Variants in HRH1 observed in about 807,000 individuals in gnomAD.
HRH1 encodes the protein histamine receptor H1, also known as histamine H1 receptor.
Under a neutral mutation model 10.3 loss-of-function variants are expected in HRH1, and 6 were observed. The ratio of observed to expected loss-of-function variants is 0.58; its 90% confidence interval spans 0.32 to 1.15. The LOEUF is 1.15. HRH1 is among the 50% of genes most tolerant of loss of function. The pLI is 0.05. For synonymous variants in HRH1, 242 were observed against 236.7 expected (o/e 1.02, Z -0.21); for missense variants, 514 against 615.3 (o/e 0.84, Z 1.74).
chr3:11,239,690 G>A (rs1939283676), intron 1 of HRH1, among the ~76,000 whole-genome samples: 1 of 151,970 alleles, frequency 6.6e-6, no homozygotes, highest in South Asian at 2.1e-4. Context: ...TCATCCTTCT[G>A]CTGGTAGATC....
chr3:11,184,362 C>T (rs1255013149), intron 1 of HRH1, among the ~76,000 whole-genome samples: 2 of 152,098 alleles, frequency 1.3e-5, no homozygotes, highest in Non-Finnish European at 2.9e-5. Flanking sequence ...AATCGCACCA[C>T]TCAGGAGTAG....
chr3:11,229,755 A>G (rs531811871), intron 1 of HRH1, among the ~76,000 whole-genome samples: 47 of 152,298 alleles, frequency 3.1e-4, no homozygotes, highest in African/African-American at 8.2e-4. Flanking sequence ...GTTTATGCCT[A>G]TGGAAAGTTC....
At chr3:11,217,439 G>GA (rs1938547755) in intron 1 of HRH1, among the ~76,000 whole-genome samples, 1 of 152,168 alleles carries the variant, frequency 6.6e-6, no homozygotes, top group African/African-American at 2.4e-5. Context: ...TGAGGCAGGA[G>GA]AATCACTTGA....
rs1232660340 is a variant in HRH1 at position 11,261,791 on chromosome 3, C to G, written c.*1290C>G. The G allele has an allele frequency of 6.4e-6, 1 of 156,194 alleles. No individual in the cohort carries two copies. Among genetic ancestry groups the G allele is most frequent in the Non-Finnish European group, 1.5e-5 (1 of 68,076 alleles). The allele number at this position is 156,194 out of a possible 1,614,324, so 9.7% of individuals were successfully genotyped here. A position where few individuals can be genotyped will look rare whatever the true frequency, so the allele number is the denominator to read the frequency against. The stretch of plus-strand genomic sequence containing the variant: ...GGTGGAGGTTGCCGTGAGCCAAGAT[C>G]ACGCCACTGCACTCCAGCCTGGGCA... On this transcript the variant is annotated 3_prime_UTR_variant, in exon 2 of 2. Coordinates refer to ENST00000431010, the MANE Select transcript of HRH1 (RefSeq NM_001098212.2).
chr3:11,138,381 G>A (rs1936226784), intron 1 of HRH1, among the ~76,000 whole-genome samples: 1 of 151,990 alleles, frequency 6.6e-6, no homozygotes, highest in African/African-American at 2.4e-5. Flanking sequence ...GCCAAAAAAT[G>A]GGTAAAGGAC....
chr3:11,210,795 AAG>A (rs1003642934), intron 1 of HRH1, among the ~76,000 whole-genome samples: 1 of 114,274 alleles, frequency 8.8e-6, no homozygotes, highest in African/African-American at 3.1e-5. Flanking sequence ...CCTGTCTCAA[AAG>A]AAAAAAAAAA....
chr3:11,214,072 G>A (rs569271130), intron 1 of HRH1, among the ~76,000 whole-genome samples: 45 of 152,176 alleles, frequency 3.0e-4, no homozygotes, highest in Non-Finnish European at 5.1e-4. Context: ...GGAACAGCGC[G>A]AACAAAGAGG....
chr3:11,175,887 A>G (rs566087079), intron 1 of HRH1, among the ~76,000 whole-genome samples: 76 of 152,294 alleles, frequency 5.0e-4, no homozygotes, highest in Admixed American at 2.0e-3. Context: ...GGCGGGGCAC[A>G]TGGGCTCACG....
chr3:11,259,982 G>A lies in HRH1; in HGVS notation c.945G>A (p.Glu315=), dbSNP rs1387932246. The change falls in exon 2 of 2, where the codon GAG becomes GAA. Residue 315 remains glutamate (E), a synonymous_variant. Transcript: ENST00000431010. This position sits in a 1 kb window ranked among gnomAD's most constrained non-coding sequence, Gnocchi z 4.6. ...TTGTGCACATGCAGGCTGCGGCAGA[G>A]GGGAGTAGCAGGGACTATGTAGCCG... ...LDIVHMQAAA[E]GSSRDYVAVN... The A allele has an allele frequency of 2.5e-6, 4 of 1,614,078 alleles. No individual in the cohort carries two copies. The African/African-American group carries it at 5.3e-5, about 22-fold the overall frequency.
intron 1 of HRH1, among the ~76,000 whole-genome samples, chr3:11,255,184 G>T (rs145222395): frequency 6.6e-6 from 1 of 152,320 alleles, no homozygotes; most frequent in Non-Finnish European, 1.5e-5. Context: ...ACAGGAGGCT[G>T]CAGTGAGCTG....
intron 1 of HRH1, among the ~76,000 whole-genome samples, chr3:11,179,224 A>T (rs1243328277): frequency 6.6e-6 from 1 of 151,254 alleles, no homozygotes. Flanking sequence ...GGAGGCAGAG[A>T]TTGCAGTGAG....
At chr3:11,221,414 C>G (rs1938706684) in intron 1 of HRH1, among the ~76,000 whole-genome samples, 1 of 151,708 alleles carries the variant, frequency 6.6e-6, no homozygotes. Context: ...AATTAGCCGG[C>G]CATGGCAGCA....
At chr3:11,158,795 TCTTA>T (rs1172267837) in intron 1 of HRH1, among the ~76,000 whole-genome samples, 1 of 152,224 alleles carries the variant, frequency 6.6e-6, no homozygotes, top group Non-Finnish European at 1.5e-5. Context: ...TGTTAAACTC[TCTTA>T]CTAATTCAAA....
At position 11,237,511 on chromosome 3, in the gene HRH1, C is replaced by A. The variant is rs556413560; in HGVS notation, c.-35-21492C>A. On this transcript the variant is annotated intron_variant, in intron 1 of 1. Transcript: ENST00000431010. ...ACTCCAGAAGCCTCTCTTTCCACAT[C>A]ATTAAAATGGGAGGCTGGGGGCAGA... Among the ~76,000 whole-genome samples, 81 of 152,212 alleles carry A rather than the reference C, an allele frequency of 5.3e-4. 2 individuals are homozygous for A. In the South Asian group the frequency reaches 0.016, roughly 30 times the overall value.
At chr3:11,243,881 A>G (rs1327686695) in intron 1 of HRH1, among the ~76,000 whole-genome samples, 1 of 152,144 alleles carries the variant, frequency 6.6e-6, no homozygotes, top group Non-Finnish European at 1.5e-5. Flanking sequence ...TCCCAGCTGA[A>G]TTCTAGGGTT....
intron 1 of HRH1, among the ~76,000 whole-genome samples, chr3:11,230,853 T>C (rs1344498438): frequency 6.6e-6 from 1 of 152,144 alleles, no homozygotes; most frequent in Non-Finnish European, 1.5e-5. Context: ...TATAGAGGAA[T>C]CCTGCATACA....
At chr3:11,182,139 C>T (rs1287046911) in intron 1 of HRH1, among the ~76,000 whole-genome samples, 2 of 151,850 alleles carry the variant, frequency 1.3e-5, no homozygotes, top group East Asian at 1.9e-4. Flanking sequence ...CCTGCCACCG[C>T]ACCTGGCTAA....
chr3:11,227,493 TC>T (rs1231294402), intron 1 of HRH1, among the ~76,000 whole-genome samples: 1 of 151,908 alleles, frequency 6.6e-6, no homozygotes, highest in Admixed American at 6.6e-5. Context: ...CCCCATGTTG[TC>T]CAGGCTGGTC....
chr3:11,256,536 C>G (rs780260122), intron 1 of HRH1, among the ~76,000 whole-genome samples: 1 of 152,162 alleles, frequency 6.6e-6, no homozygotes, highest in Non-Finnish European at 1.5e-5. Context: ...CACGGTGGCT[C>G]ACACCTATAA....
Sources: allele counts gnomAD v4.1 joint callset (sites outside exome capture counted in the v4.1 genomes callset), GRCh38; gene constraint gnomAD v4.1.1; non-coding constraint Gnocchi (gnomAD v3.1); transcripts MANE v1.5; gene names NCBI Gene and HGNC (gene_info 2026-07-23, HGNC 2026-07-21).